The following THSD7A variants were observed in gnomAD, a reference collection of about 807,000 sequenced individuals.
The protein encoded by THSD7A is thrombospondin type 1 domain containing 7A.
THSD7A carries 96 observed loss-of-function variants against 231.3 expected under a neutral mutation model. The ratio of observed to expected loss-of-function variants is 0.41; its 90% CI spans 0.35 to 0.49. The LOEUF (loss-of-function observed/expected upper bound fraction) is 0.49. Among genes scored for constraint, THSD7A ranks in the 20% least tolerant of loss-of-function variants. THSD7A has a pLI of 0.05. For synonymous variants in THSD7A, 940 were observed against 743.3 expected, an observed-to-expected ratio of 1.26 and a Z score of -4.30; for missense variants, 2,290 against 2,070.2, an observed-to-expected ratio of 1.11 and a Z score of -2.06.
chr7:11,593,412 G>A lies in THSD7A; in HGVS notation c.1113C>T (p.Pro371=). ...CCATGTCATGGCATGTTTTTGAGCAGGGGCTCCACTCTGACCACTCGGAAA... is the reference window on the plus strand; with the variant it reads ...CCATGTCATGGCATGTTTTTGAGCAAGGGCTCCACTCTGACCACTCGGAAA... The part of the protein sequence containing the change: ...CQVSEWSEWS[P]CSKTCHDMVS... The change falls in exon 3 of 28, where the codon CCC becomes CCT. Residue 371 remains proline, a synonymous_variant. Coordinates refer to ENST00000423059, the MANE Select transcript of THSD7A (RefSeq NM_015204.3). 6.2e-7 allele frequency: 1 copy of A among 1,614,026 alleles called. No individual in the cohort carries two copies. The highest frequency in any genetic ancestry group is 1.1e-5 in the South Asian group (1 of 91,084).
At chr7:11,689,595 G>A (rs1431807010) in intron 1 of THSD7A, among the ~76,000 whole-genome samples, 1 of 151,602 alleles carries the variant, frequency 6.6e-6, no homozygotes, top group Non-Finnish European at 1.5e-5. Context: ...GTTAATGTCA[G>A]GGGCCATTTT....
chr7:11,571,376 T>G (rs1790622572), intron 4 of THSD7A, among the ~76,000 whole-genome samples: 1 of 152,210 alleles, frequency 6.6e-6, no homozygotes, highest in Non-Finnish European at 1.5e-5. Context: ...TTTTCCCCTG[T>G]TGAGCTACTG....
At chr7:11,583,977 C>T (rs1316424442) in intron 4 of THSD7A, among the ~76,000 whole-genome samples, 2 of 152,202 alleles carry the variant, frequency 1.3e-5, no homozygotes, top group Admixed American at 1.3e-4. Flanking sequence ...TCTCCCTCTA[C>T]AGGTAAGTTG....
At chr7:11,559,562 G>A (rs528999023) in intron 4 of THSD7A, among the ~76,000 whole-genome samples, 1 of 151,236 alleles carries the variant, frequency 6.6e-6, no homozygotes, top group East Asian at 1.9e-4. Context: ...GGATAAGGAT[G>A]TATGACTTGT....
At chr7:11,736,547 T>C (rs932591555) in intron 1 of THSD7A, among the ~76,000 whole-genome samples, 6 of 151,980 alleles carry the variant, frequency 3.9e-5, no homozygotes, top group Non-Finnish European at 1.5e-5. Flanking sequence ...TAGGCTTTTA[T>C]TTATAGGACT....
At chr7:11,751,941 T>C (rs1236011642) in intron 1 of THSD7A, among the ~76,000 whole-genome samples, 3 of 152,082 alleles carry the variant, frequency 2.0e-5, no homozygotes, top group Admixed American at 6.6e-5. Flanking sequence ...GGGTAACCAC[T>C]TGCAGCTTAT....
intron 23 of THSD7A, among the ~76,000 whole-genome samples, chr7:11,397,320 C>G (rs1050234156): frequency 6.6e-6 from 1 of 152,160 alleles, no homozygotes; most frequent in African/African-American, 2.4e-5. Flanking sequence ...AAAGGATTCC[C>G]TATTTAATAA....
chr7:11,654,107 A>C (rs1428409525), intron 1 of THSD7A, among the ~76,000 whole-genome samples: 1 of 151,912 alleles, frequency 6.6e-6, no homozygotes, highest in Non-Finnish European at 1.5e-5. Flanking sequence ...GATAATTTAT[A>C]ATCTGAATTC....
chr7:11,432,628 G>A (rs1008856901), intron 13 of THSD7A, among the ~76,000 whole-genome samples: 1 of 152,000 alleles, frequency 6.6e-6, no homozygotes, highest in African/African-American at 2.4e-5. Context: ...ATCTACGTTG[G>A]TGCATATTGC....
At chr7:11,688,436 G>C (rs1780129027) in intron 1 of THSD7A, among the ~76,000 whole-genome samples, 1 of 151,748 alleles carries the variant, frequency 6.6e-6, no homozygotes, top group Admixed American at 6.6e-5. Flanking sequence ...TAGCCTAATG[G>C]AGAGAACACC....
intron 23 of THSD7A, among the ~76,000 whole-genome samples, chr7:11,399,328 T>C (rs1427015628): frequency 6.6e-6 from 1 of 152,230 alleles, no homozygotes; most frequent in Non-Finnish European, 1.5e-5. Flanking sequence ...CACCGAATTA[T>C]ATTCTATTTT....
chr7:11,778,156 CAAAAAAAAA>C lies in THSD7A; in HGVS notation c.190+53592_190+53600del, dbSNP rs57740181. On this transcript the variant is annotated intron_variant, in intron 1 of 27. Transcript: ENST00000423059. ...TGGGCGACAGAGCGAGACTCCGTCT[CAAAAAAAAA>C]AAAAAAAAAAAAAGAAAGCCCTTTC... Among the ~76,000 whole-genome samples, 34 of 45,066 alleles carry C rather than the reference CAAAAAAAAA, an allele frequency of 7.5e-4. No homozygotes were observed. The South Asian group carries it at 0.04, about 53-fold the overall frequency. 29.6% of individuals were successfully genotyped at this position (45,066 alleles called of 152,430 possible). A position where few individuals can be genotyped will look rare whatever the true frequency, so the allele number is the denominator to read the frequency against.
chr7:11,611,787 AACACACACAC>A (rs56683135), intron 2 of THSD7A, among the ~76,000 whole-genome samples: 9,785 of 138,694 alleles, frequency 0.071, 415 homozygotes, highest in East Asian at 0.13. Context: ...AGTACCATAA[AACACACACAC>A]ACACACACAC....
chr7:11,736,254 T>C (rs929720015), intron 1 of THSD7A, among the ~76,000 whole-genome samples: 5 of 151,966 alleles, frequency 3.3e-5, no homozygotes, highest in African/African-American at 1.2e-4. Flanking sequence ...ATAAACTAGG[T>C]CCACATGATA....
At chr7:11,455,649 T>C (rs1263721570) in intron 11 of THSD7A, among the ~76,000 whole-genome samples, 3 of 152,076 alleles carry the variant, frequency 2.0e-5, no homozygotes, top group Non-Finnish European at 2.9e-5. Context: ...GAAAAACTTT[T>C]CATATAGTTT....
chr7:11,674,876 G>C (rs571685767), intron 1 of THSD7A, among the ~76,000 whole-genome samples: 2 of 152,096 alleles, frequency 1.3e-5, no homozygotes, highest in Non-Finnish European at 2.9e-5. Flanking sequence ...AACTCAGTGA[G>C]ATCCAAGAGA....
At chr7:11,413,495 T>TAA (rs1345426223) in intron 17 of THSD7A, among the ~76,000 whole-genome samples, 1 of 152,172 alleles carries the variant, frequency 6.6e-6, no homozygotes, top group Admixed American at 6.6e-5. Flanking sequence ...GCAAAAATTA[T>TAA]AACAGTAAGA....
At chr7:11,557,461 A>G (rs1562716436) in intron 4 of THSD7A, among the ~76,000 whole-genome samples, 1 of 151,760 alleles carries the variant, frequency 6.6e-6, no homozygotes, top group Non-Finnish European at 1.5e-5. Flanking sequence ...GTTGGCTGCT[A>G]TTTATTTATT....
intron 2 of THSD7A, among the ~76,000 whole-genome samples, chr7:11,599,061 G>C (rs1780463068): frequency 6.6e-6 from 1 of 152,192 alleles, no homozygotes; most frequent in African/African-American, 2.4e-5. Context: ...ATGGAATACA[G>C]GAGATCCATT....
Sources: gnomAD v4.1 joint callset for allele counts (sites outside exome capture counted in the v4.1 genomes callset) on GRCh38, gnomAD v4.1.1 for gene constraint, MANE v1.5 for transcripts, NCBI Gene and HGNC (gene_info 2026-07-23, HGNC 2026-07-21) for gene names.